The following CCDC33 variants were observed in gnomAD, a reference collection of about 807,000 sequenced individuals.
CCDC33 encodes the protein coiled-coil domain-containing protein 33.
A neutral mutation model predicts 91.9 loss-of-function variants in CCDC33; 94 were observed. The ratio of observed to expected loss-of-function variants is 1.02; its 90% CI spans 0.87 to 1.21. The LOEUF is 1.21. Ranked by LOEUF, CCDC33 falls within the 50% of genes most tolerant of loss-of-function variation. The pLI is 0.00. For missense variants in CCDC33, 940 were observed against 935.5 expected (o/e 1.00, Z -0.06); for synonymous variants, 396 against 374.5 (o/e 1.06, Z -0.66).
At chr15:74,290,127 A>G (rs969869794) in intron 10 of CCDC33, among the ~76,000 whole-genome samples, 2 of 151,566 alleles carry the variant, frequency 1.3e-5, no homozygotes, top group African/African-American at 4.8e-5. Context: ...GCCAAGATGT[A>G]TCTCTGGCCC....
intron 1 of CCDC33, among the ~76,000 whole-genome samples, chr15:74,243,248 C>T (rs773844604): frequency 1.1e-4 from 16 of 152,198 alleles, no homozygotes; most frequent in East Asian, 3.8e-4. Flanking sequence ...CCCCCATGAA[C>T]GTGGAGAAGC....
At chr15:74,328,030 G>A (rs542161826) in intron 11 of CCDC33, among the ~76,000 whole-genome samples, 1 of 152,246 alleles carries the variant, frequency 6.6e-6, no homozygotes, top group East Asian at 1.9e-4. Context: ...TGCGTGTTTC[G>A]CTGGAAGCCA....
chr15:74,259,089 C>T (rs919242878), intron 2 of CCDC33, among the ~76,000 whole-genome samples: 9 of 152,206 alleles, frequency 5.9e-5, no homozygotes, highest in Non-Finnish European at 1.0e-4. Context: ...GCTGCCCATG[C>T]TGTGGCTGGA....
At chr15:74,266,536 A>AC (rs767277331) in intron 3 of CCDC33, 142 bp from the exon 4 acceptor site, 1 of 676,148 alleles carries the variant, frequency 1.5e-6, no homozygotes, top group Non-Finnish European at 2.7e-6. Context: ...GGTGATCCAC[A>AC]CATGTGTGTG....
chr15:74,332,585 GTGGCAGAT>G, intron 15 of CCDC33, 86 bp from the exon 16 acceptor site: 6 of 1,344,788 alleles, frequency 4.5e-6, no homozygotes, highest in Non-Finnish European at 6.2e-6. Context: ...GAGGGGAGGG[GTGGCAGAT>G]TGAAGCAAAA....
At position 74,334,642 on chromosome 15, in the gene CCDC33, CA is replaced by C. The variant is rs573241099; in HGVS notation, c.2026-332del. ...CCAGGGTTAGGGTTCTGTGTATGACCAGGGTTAGGGTTCAGTGTATATCCAG... is the reference window on the plus strand; with the variant it reads ...CCAGGGTTAGGGTTCTGTGTATGACCGGGTTAGGGTTCAGTGTATATCCAG... On this transcript the variant is annotated intron_variant, in intron 17 of 18. Coordinates refer to ENST00000398814, the MANE Select transcript of CCDC33 (RefSeq NM_025055.5). 2.8e-3 allele frequency among the ~76,000 whole-genome samples: 423 copies of C among 152,234 alleles called. 5 individuals carry two copies. The highest frequency in any genetic ancestry group is 7.5e-3 in the East Asian group (39 of 5,178).
upstream of CCDC33, among the ~76,000 whole-genome samples, chr15:74,213,645 G>A (rs2074388855): frequency 6.6e-6 from 1 of 152,208 alleles, no homozygotes; most frequent in Non-Finnish European, 1.5e-5. Flanking sequence ...CGTGTTCGGG[G>A]TTCCAGTTTT....
chr15:74,245,742 C>T (rs533315495), intron 2 of CCDC33, among the ~76,000 whole-genome samples: 86 of 99,200 alleles, frequency 8.7e-4, no homozygotes, highest in Non-Finnish European at 1.6e-3. Flanking sequence ...GGCTGCGGCA[C>T]GTGGGGCGGG....
At chr15:74,273,432 A>G (rs954965574) in intron 7 of CCDC33, among the ~76,000 whole-genome samples, 2 of 152,250 alleles carry the variant, frequency 1.3e-5, no homozygotes, top group African/African-American at 4.8e-5. Context: ...AAAAATGGCT[A>G]CAATGGTGAA....
At chr15:74,251,981 A>C (rs2075724357) in intron 2 of CCDC33, among the ~76,000 whole-genome samples, 1 of 152,142 alleles carries the variant, frequency 6.6e-6, no homozygotes, top group Non-Finnish European at 1.5e-5. Flanking sequence ...CCTATAATTG[A>C]GGTATAATAT....
At position 74,220,452 on chromosome 15, in the gene CCDC33, C is replaced by T. The variant is rs147517931; in HGVS notation, c.675+1591C>T. Among the ~76,000 whole-genome samples the T allele has an allele frequency of 2.7e-3, 412 of 152,278 alleles. 2 individuals carry two copies. Among genetic ancestry groups the T allele is most frequent in the African/African-American group, 9.3e-3 (388 of 41,550 alleles). On this transcript the variant is annotated intron_variant, in intron 2 of 2. Transcript: ENST00000635913. ...CTCCCTGACTTCAGGGCCTGGTGTC[C>T]TACAGTTTGTCACAGGACTAGGCAC...
rs1411286243 is a variant in CCDC33 at position 74,218,590 on chromosome 15, G to A, written c.404G>A (p.Gly135Asp). 1.6e-6 allele frequency: 2 copies of A among 1,289,844 alleles called. No individual in the cohort carries two copies. Among genetic ancestry groups the A allele is most frequent in the Admixed American group, 2.3e-5 (1 of 43,572 alleles). The allele number at this position is 1,289,844 out of a possible 1,614,324, so 79.9% of individuals were successfully genotyped here. The change falls in exon 2 of 3, where the codon GGT (glycine) becomes GAT (aspartate). Residue 135 changes from glycine (G) to aspartate (D), a missense_variant. Gly to Asp is a moderately conservative substitution (Grantham distance 94). Coordinates refer to the CCDC33 transcript ENST00000635913. The surrounding 1 kb of genome is among the most constrained non-coding windows in gnomAD (Gnocchi z 4.8). ...TTGGGACGGGCAGCCCAGCGGGTGG[G>A]TGAGGCCATCTTCCCCATCTACCCG...
intron 2 of CCDC33, among the ~76,000 whole-genome samples, chr15:74,260,789 C>T (rs2076003420): frequency 6.6e-6 from 1 of 152,126 alleles, no homozygotes; most frequent in South Asian, 2.1e-4. Flanking sequence ...CACGCCACGG[C>T]AAAGGGGCTG....
At chr15:74,217,722 G>A in intron 1 of CCDC33, 1 of 617,880 alleles carries the variant, frequency 1.6e-6, no homozygotes, top group Non-Finnish European at 2.3e-6. Context: ...CTCTGCCGGT[G>A]TGACCTTGGG....
chr15:74,307,596 A>T (rs2059913998), intron 11 of CCDC33, among the ~76,000 whole-genome samples: 1 of 152,136 alleles, frequency 6.6e-6, no homozygotes, highest in African/African-American at 2.4e-5. Flanking sequence ...CCATCTTCCC[A>T]GCCTATCTGG....
chr15:74,292,411 C>T (rs1053752025), intron 10 of CCDC33, among the ~76,000 whole-genome samples: 34 of 152,126 alleles, frequency 2.2e-4, no homozygotes, highest in Non-Finnish European at 8.8e-5. Context: ...CAAATGTGAG[C>T]TGATTGAAGC....
At chr15:74,296,784 G>T (rs2059696373) in intron 11 of CCDC33, among the ~76,000 whole-genome samples, 1 of 152,162 alleles carries the variant, frequency 6.6e-6, no homozygotes. Flanking sequence ...ATTTGCTGAG[G>T]AGTCAGTGCT....
intron 17 of CCDC33, 55 bp from the exon 18 acceptor site, chr15:74,334,920 C>A: frequency 7.1e-7 from 1 of 1,414,388 alleles, no homozygotes; most frequent in Non-Finnish European, 1.0e-6. Flanking sequence ...TCCTGGCCAT[C>A]AGGGATTAGC....
chr15:74,266,359 T>C (rs1260948353), intron 3 of CCDC33, among the ~76,000 whole-genome samples: 1 of 152,228 alleles, frequency 6.6e-6, no homozygotes, highest in Non-Finnish European at 1.5e-5. Context: ...TGCACATGTG[T>C]GTCTGTTGCC....
Sources: allele counts gnomAD v4.1 joint callset (sites outside exome capture counted in the v4.1 genomes callset), GRCh38; gene constraint gnomAD v4.1.1; non-coding constraint Gnocchi (gnomAD v3.1); transcripts MANE v1.5; gene names NCBI Gene and HGNC (gene_info 2026-07-23, HGNC 2026-07-21).